ADAM23: variants seen among roughly 807,000 people sequenced by gnomAD.
ADAM23 encodes the protein ADAM metallopeptidase domain 23, also known as disintegrin and metalloproteinase domain-containing protein 23.
ADAM23 carries 33 observed loss-of-function variants against 120.1 expected under a neutral mutation model. That is an observed-to-expected ratio of 0.27 (90% CI 0.21 to 0.37). The LOEUF is 0.37. Among genes scored for constraint, ADAM23 ranks in the 10% least tolerant of loss-of-function variants. ADAM23 has a pLI of 1.00. For synonymous variants in ADAM23, 367 were observed against 375.2 expected (o/e 0.98, Z 0.25); for missense variants, 862 against 1,058.2 (o/e 0.81, Z 2.57).
At chr2:206,577,375 T>G (rs1478385451) in intron 18 of ADAM23, among the ~76,000 whole-genome samples, 1 of 144,050 alleles carries the variant, frequency 6.9e-6, no homozygotes, top group African/African-American at 2.6e-5. Context: ...ACTCGTCATC[T>G]AGCATTAGGT....
rs114940483 is a variant in ADAM23 at position 206,591,937 on chromosome 2, A to G, written c.1959-680A>G. Among the ~76,000 whole-genome samples, 142 of 152,238 alleles carry G rather than the reference A, an allele frequency of 9.3e-4. 1 individual carries two copies. Among genetic ancestry groups the G allele is most frequent in the African/African-American group, 2.9e-3 (119 of 41,550 alleles). ...GCACATTTTTGTACATTTGTTGGAC[A>G]TGGATTTCCTTTTTTTGTGATGTGC... On this transcript the variant is annotated intron_variant, in intron 21 of 25. Transcript: ENST00000264377.
chr2:206,494,880 C>T (rs1469005013), intron 3 of ADAM23, among the ~76,000 whole-genome samples: 1 of 151,584 alleles, frequency 6.6e-6, no homozygotes, highest in Non-Finnish European at 1.5e-5. Context: ...ATGCTATCAA[C>T]TGGAAGAAAG....
chr2:206,594,338 C>T (rs1488851853), intron 22 of ADAM23, among the ~76,000 whole-genome samples: 2 of 152,068 alleles, frequency 1.3e-5, no homozygotes, highest in Admixed American at 6.6e-5. Context: ...TTTTCATTTG[C>T]TGTTTTTGTT....
chr2:206,477,880 TAAAAAA>T (rs71034456), intron 2 of ADAM23, among the ~76,000 whole-genome samples: 30 of 109,160 alleles, frequency 2.7e-4, no homozygotes, highest in East Asian at 1.3e-3. Flanking sequence ...AATATTCTGT[TAAAAAA>T]AAAAAAAAAA....
chr2:206,592,760 C>A, intron 22 of ADAM23, 24 bp downstream of exon 22: 1 of 1,598,998 alleles, frequency 6.3e-7, no homozygotes, highest in Non-Finnish European at 8.5e-7. Context: ...TATTAGAAGA[C>A]CTAATAAGCC....
chr2:206,495,304 G>A (rs12474863), intron 3 of ADAM23, among the ~76,000 whole-genome samples: 20,170 of 151,244 alleles, frequency 0.13, 1,632 homozygotes, highest in African/African-American at 0.26. Flanking sequence ...CTGATCTCTC[G>A]GCAGAAACTC....
chr2:206,614,623 G>A (rs1394399924), intron 25 of ADAM23, among the ~76,000 whole-genome samples: 4 of 151,858 alleles, frequency 2.6e-5, no homozygotes, highest in Middle Eastern at 3.2e-3. Context: ...TTGCACTCCA[G>A]CCTGGGCAAC....
chr2:206,543,782 A>G (rs1051022485), intron 6 of ADAM23, among the ~76,000 whole-genome samples: 6 of 152,194 alleles, frequency 3.9e-5, no homozygotes, highest in East Asian at 1.9e-4. Context: ...CACACGCACC[A>G]TGGAATACTA....
chr2:206,486,116 G>A (rs759214731), intron 3 of ADAM23, among the ~76,000 whole-genome samples: 1 of 152,214 alleles, frequency 6.6e-6, no homozygotes, highest in Non-Finnish European at 1.5e-5. Flanking sequence ...TGAGGAGTGT[G>A]GGTCTGAAGC....
intron 3 of ADAM23, among the ~76,000 whole-genome samples, chr2:206,496,244 G>C (rs1248824906): frequency 6.6e-6 from 1 of 152,016 alleles, no homozygotes; most frequent in African/African-American, 2.4e-5. Flanking sequence ...TGACCACATA[G>C]TTGGAAGTAA....
chr2:206,466,270 A>G (rs1695540536), intron 2 of ADAM23, among the ~76,000 whole-genome samples: 1 of 152,182 alleles, frequency 6.6e-6, no homozygotes, highest in Non-Finnish European at 1.5e-5. Context: ...TCATTTGCTG[A>G]TCATTCTTTT....
chr2:206,543,582 T>C (rs1056048391), intron 6 of ADAM23, among the ~76,000 whole-genome samples: 1 of 152,156 alleles, frequency 6.6e-6, no homozygotes, highest in Non-Finnish European at 1.5e-5. Flanking sequence ...AGAGAGGATA[T>C]TTTGTTTTGT....
At chr2:206,518,435 T>C (rs1272927249) in intron 3 of ADAM23, among the ~76,000 whole-genome samples, 2 of 152,206 alleles carry the variant, frequency 1.3e-5, no homozygotes, top group Non-Finnish European at 2.9e-5. Context: ...TTGCTTATTA[T>C]AAGATTTTGC....
At chr2:206,467,002 TAAC>T (rs35996814) in intron 2 of ADAM23, among the ~76,000 whole-genome samples, 42,562 of 151,950 alleles carry the variant, frequency 0.28, 6,054 homozygotes, top group South Asian at 0.32. Context: ...CTCACTGTTG[TAAC>T]AACAACTCCA....
chr2:206,592,124 AT>A (rs1210413681), intron 21 of ADAM23, among the ~76,000 whole-genome samples: 4 of 152,146 alleles, frequency 2.6e-5, no homozygotes, highest in African/African-American at 9.7e-5. Flanking sequence ...TTTTGTCCTT[AT>A]GCTTTGTGAA....
intron 10 of ADAM23, among the ~76,000 whole-genome samples, chr2:206,558,216 A>G (rs556297837): frequency 3.3e-5 from 5 of 152,322 alleles, no homozygotes; most frequent in Non-Finnish European, 5.9e-5. Context: ...ATGAATATTT[A>G]AGTTGACTAG....
chr2:206,613,008 A>G (rs895532069), intron 25 of ADAM23, among the ~76,000 whole-genome samples: 3 of 152,216 alleles, frequency 2.0e-5, no homozygotes, highest in African/African-American at 7.2e-5. Flanking sequence ...TAGATTTTTA[A>G]AAAATATTGT....
chr2:206,445,689 C>T (rs1231240164), intron 2 of ADAM23, among the ~76,000 whole-genome samples, 165 bp downstream of exon 2: 2 of 152,178 alleles, frequency 1.3e-5, no homozygotes, highest in African/African-American at 4.8e-5. Context: ...TTGGGATCTA[C>T]TGGGATAAGA....
chr2:206,558,525 G>A (rs558136799), intron 10 of ADAM23, among the ~76,000 whole-genome samples: 4 of 152,152 alleles, frequency 2.6e-5, no homozygotes, highest in East Asian at 1.9e-4. Flanking sequence ...GTGGATGTGC[G>A]TCGAGTATCT....
Sources: allele counts gnomAD v4.1 joint callset (sites outside exome capture counted in the v4.1 genomes callset), GRCh38; gene constraint gnomAD v4.1.1; transcripts MANE v1.5; gene names NCBI Gene and HGNC (gene_info 2026-07-23, HGNC 2026-07-21).